RGS17: variants seen among roughly 807,000 people sequenced by gnomAD.
RGS17 encodes the protein regulator of G-protein signaling 17.
In RGS17, 12 loss-of-function variants were observed where a neutral mutation model predicts 25.5. The ratio of observed to expected loss-of-function variants is 0.47; its 90% confidence interval spans 0.30 to 0.76. The LOEUF (loss-of-function observed/expected upper bound fraction) is 0.76, where lower values mean the gene tolerates loss of function less well. RGS17 is among the 30% of genes least tolerant of loss of function. The probability of loss-of-function intolerance (pLI) is 0.07; values close to 1 mark genes in which losing one functional copy is unlikely to be tolerated. For missense variants in RGS17, 196 were observed against 242.2 expected, an observed-to-expected ratio of 0.81 and a Z score of 1.27; for synonymous variants, 71 against 76.9, an observed-to-expected ratio of 0.92 and a Z score of 0.40.
chr6:153,061,407 T>C (rs1372056002), intron 1 of RGS17, among the ~76,000 whole-genome samples: 2 of 152,332 alleles, frequency 1.3e-5, no homozygotes, highest in East Asian at 3.9e-4. Context: ...CATGTTCATT[T>C]TGAGATTCAT....
rs1234911995 is a variant in RGS17, at chr6:153,005,643, C to T, written c.*5931G>A. On this transcript the variant is annotated 3_prime_UTR_variant, in exon 5 of 5. Coordinates refer to ENST00000206262, the MANE Select transcript of RGS17 (RefSeq NM_012419.5). ...TTTACCGTTGTGTTCTTTCAAAAAC[C>T]AAAAACCTGTGTCTAGTCACGAGAA... 6.6e-6 allele frequency: 1 copy of T among 152,072 alleles called. No individual in the cohort carries two copies. Among genetic ancestry groups the T allele is most frequent in the South Asian group, 2.1e-4 (1 of 4,824 alleles). The allele number at this position is 152,072 out of a possible 1,614,324, so 9.4% of individuals were successfully genotyped here.
At chr6:153,122,963 TTTAATACTCCAATG>T (rs1777656003) in intron 1 of RGS17, among the ~76,000 whole-genome samples, 1 of 150,532 alleles carries the variant, frequency 6.6e-6, no homozygotes, top group African/African-American at 2.4e-5. Flanking sequence ...AATTGGAGTA[TTTAATACTCCAATG>T]TACATTGGAG....
At chr6:153,049,999 G>T (rs1053476577) in intron 1 of RGS17, among the ~76,000 whole-genome samples, 7 of 152,088 alleles carry the variant, frequency 4.6e-5, no homozygotes, top group African/African-American at 7.2e-5. Context: ...TAACCTTCAG[G>T]CATTTATGCA....
chr6:153,118,042 T>C (rs762146268), intron 1 of RGS17, among the ~76,000 whole-genome samples: 1 of 152,184 alleles, frequency 6.6e-6, no homozygotes, highest in Non-Finnish European at 1.5e-5. Context: ...GAAACTTGAA[T>C]GATGAGAAAG....
intron 1 of RGS17, among the ~76,000 whole-genome samples, chr6:153,083,984 T>C (rs1316230413): frequency 6.6e-6 from 1 of 152,218 alleles, no homozygotes; most frequent in East Asian, 1.9e-4. Context: ...TATTGATGCA[T>C]AACATTCAGG....
At chr6:153,119,062 C>T (rs6917538) in intron 1 of RGS17, among the ~76,000 whole-genome samples, 68,954 of 151,906 alleles carry the variant, frequency 0.45, 16,249 homozygotes, top group East Asian at 0.85. Context: ...TTTCCACATG[C>T]CCATTCATGC....
At chr6:153,098,988 A>G (rs191284094) in intron 1 of RGS17, among the ~76,000 whole-genome samples, 3 of 152,158 alleles carry the variant, frequency 2.0e-5, no homozygotes, top group Admixed American at 1.3e-4. Context: ...TTGCTTGGAG[A>G]TGTTCATGGT....
At chr6:153,098,225 G>A (rs982742853) in intron 1 of RGS17, among the ~76,000 whole-genome samples, 9 of 152,146 alleles carry the variant, frequency 5.9e-5, no homozygotes, top group Non-Finnish European at 1.3e-4. Flanking sequence ...TTCAGGTATT[G>A]GAGTATGGAT....
chr6:153,011,838 G>C (rs1457921723), intron 4 of RGS17, 76 bp from the exon 5 acceptor site: 1 of 1,080,514 alleles, frequency 9.3e-7, no homozygotes, highest in East Asian at 2.6e-5. Context: ...GTAGGTTTGT[G>C]ACATTTTAGA....
At chr6:153,018,113 T>A (rs1779203610) in intron 4 of RGS17, among the ~76,000 whole-genome samples, 1 of 152,192 alleles carries the variant, frequency 6.6e-6, no homozygotes, top group South Asian at 2.1e-4. Flanking sequence ...AACTGTAATG[T>A]AATACTCTTG....
chr6:153,066,381 C>G (rs537829842), intron 1 of RGS17, among the ~76,000 whole-genome samples: 1 of 152,154 alleles, frequency 6.6e-6, no homozygotes, highest in Admixed American at 6.5e-5. Flanking sequence ...TAAAAAAAAG[C>G]CTGGGACCTG....
intron 4 of RGS17, among the ~76,000 whole-genome samples, chr6:153,021,847 C>A (rs1228437911): frequency 6.6e-6 from 1 of 152,106 alleles, no homozygotes; most frequent in Non-Finnish European, 1.5e-5. Context: ...CTGGAAAGGT[C>A]ATGTTCTTGA....
intron 1 of RGS17, among the ~76,000 whole-genome samples, chr6:153,070,798 T>C (rs1215157031): frequency 1.3e-5 from 2 of 151,084 alleles, no homozygotes; most frequent in Non-Finnish European, 3.0e-5. Context: ...TACACATACA[T>C]ATACATATAC....
chr6:153,057,917 T>C (rs1185421087), intron 1 of RGS17, among the ~76,000 whole-genome samples: 1 of 152,200 alleles, frequency 6.6e-6, no homozygotes, highest in African/African-American at 2.4e-5. Flanking sequence ...AGAGCTCAGG[T>C]AGTAAAGCTC....
Position 153,098,561 on chromosome 6 carries a change from T to C in RGS17, c.-26+32563A>G, listed in dbSNP as rs561662603. 4.6e-5 allele frequency among the ~76,000 whole-genome samples: 7 copies of C among 152,282 alleles called. No individual in the cohort carries two copies. The East Asian group carries it at 1.4e-3, about 29-fold the overall frequency. On this transcript the variant is annotated intron_variant, in intron 1 of 4. Transcript: ENST00000206262. ...ATTTCTGTGGTCTCAGCCCCCCACATGGTGATCAGCTACCTCAGGGAAGTC... is the reference window on the plus strand; with the variant it reads ...ATTTCTGTGGTCTCAGCCCCCCACACGGTGATCAGCTACCTCAGGGAAGTC...
intron 4 of RGS17, among the ~76,000 whole-genome samples, chr6:153,020,151 T>TTC (rs1779233443): frequency 1.0e-4 from 6 of 57,542 alleles, no homozygotes; most frequent in African/African-American, 5.1e-4. Context: ...TTTTTTTTTT[T>TTC]TTTTTTTTTT....
intron 4 of RGS17, among the ~76,000 whole-genome samples, chr6:153,015,095 G>T (rs34770363): frequency 0.12 from 18,808 of 152,164 alleles, 1,188 homozygotes; most frequent in South Asian, 0.21. Flanking sequence ...CCTGAGGATA[G>T]GACTGATTGC....
intron 4 of RGS17, among the ~76,000 whole-genome samples, chr6:153,012,609 C>T (rs1203918975): frequency 1.3e-5 from 2 of 152,120 alleles, no homozygotes; most frequent in East Asian, 3.9e-4. Flanking sequence ...GTTGGAGGAA[C>T]AGAACTAAAG....
chr6:153,097,290 A>ATTTTTTT (rs3083488), intron 1 of RGS17, among the ~76,000 whole-genome samples: 1 of 88,302 alleles, frequency 1.1e-5, no homozygotes, highest in Non-Finnish European at 2.1e-5. Flanking sequence ...CGTTTTTTTG[A>ATTTTTTT]TTTTTTTTTT....
Sources: gnomAD v4.1 joint callset for allele counts (sites outside exome capture counted in the v4.1 genomes callset) on GRCh38, gnomAD v4.1.1 for gene constraint, MANE v1.5 for transcripts, NCBI Gene and HGNC (gene_info 2026-07-23, HGNC 2026-07-21) for gene names.